Variants in HEMK2 observed in about 807,000 individuals in gnomAD.
The protein encoded by HEMK2 is HemK methyltransferase 2, ETF1 glutamine and histone H4 lysine.
At chr21:28,773,731 G>C in the HEMK2 span, among the ~76,000 whole-genome samples, 1 of 152,126 alleles carries the variant, frequency 6.6e-6, no homozygotes, top group Non-Finnish European at 1.5e-5. Context: ...GAAAATCCCA[G>C]CTGCAATGCT....
chr21:28,665,123 A>AG, the HEMK2 span, among the ~76,000 whole-genome samples: 24 of 145,732 alleles, frequency 1.6e-4, no homozygotes, highest in African/African-American at 4.7e-4. Context: ...ACTAAACATA[A>AG]AAAAAAAAAA....
chr21:28,838,996 T>TAC, the HEMK2 span, among the ~76,000 whole-genome samples: 2 of 60,534 alleles, frequency 3.3e-5, no homozygotes, highest in Non-Finnish European at 5.4e-5. Flanking sequence ...TATATATATA[T>TAC]ATATACATAT....
chr21:28,829,182 G>A, the HEMK2 span, among the ~76,000 whole-genome samples: 1 of 152,152 alleles, frequency 6.6e-6, no homozygotes, highest in Non-Finnish European at 1.5e-5. Context: ...TGCTTCTTTA[G>A]AACAAGTGAA....
chr21:28,856,784 C>T, the HEMK2 span, among the ~76,000 whole-genome samples: 1 of 152,220 alleles, frequency 6.6e-6, no homozygotes, highest in African/African-American at 2.4e-5. Flanking sequence ...ATCTATGCAA[C>T]CTGCGTATCA....
the HEMK2 span, among the ~76,000 whole-genome samples, chr21:28,625,119 C>G: frequency 1.3e-5 from 2 of 152,160 alleles, no homozygotes; most frequent in African/African-American, 4.8e-5. Context: ...GAGGAAAAGT[C>G]ACATTATCAC....
chr21:28,871,970 G>A, the HEMK2 span, among the ~76,000 whole-genome samples: 1 of 152,156 alleles, frequency 6.6e-6, no homozygotes, highest in Non-Finnish European at 1.5e-5. Flanking sequence ...TCCTAATCAA[G>A]TACAACCTTG....
the HEMK2 span, among the ~76,000 whole-genome samples, chr21:28,629,926 CTTT>C: frequency 5.5e-5 from 8 of 146,772 alleles, no homozygotes; most frequent in East Asian, 2.0e-4. Flanking sequence ...TGCTCAGTTT[CTTT>C]TTTTTTTTTT....
At chr21:28,862,568 A>G in the HEMK2 span, among the ~76,000 whole-genome samples, 1 of 147,536 alleles carries the variant, frequency 6.8e-6, no homozygotes, top group Admixed American at 6.7e-5. Flanking sequence ...GAACCCGGGA[A>G]GCGGAGCTTG....
the HEMK2 span, among the ~76,000 whole-genome samples, chr21:28,689,895 T>C: frequency 2.6e-5 from 4 of 152,066 alleles, no homozygotes; most frequent in Non-Finnish European, 5.9e-5. Flanking sequence ...AATGTAGGGG[T>C]GGCCTTAAGA....
At chr21:28,689,578 C>T in the HEMK2 span, among the ~76,000 whole-genome samples, 1 of 152,048 alleles carries the variant, frequency 6.6e-6, no homozygotes, top group Non-Finnish European at 1.5e-5. Flanking sequence ...AGGTATAAGG[C>T]GATCACACCT....
chr21:28,810,462 C>T, the HEMK2 span, among the ~76,000 whole-genome samples: 1 of 152,194 alleles, frequency 6.6e-6, no homozygotes, highest in Non-Finnish European at 1.5e-5. Context: ...CACCCAGCAA[C>T]CATTTGCAAA....
the HEMK2 span, among the ~76,000 whole-genome samples, chr21:28,644,411 G>T: frequency 1.3e-5 from 2 of 151,916 alleles, no homozygotes; most frequent in Non-Finnish European, 2.9e-5. Context: ...TTTTGGGTGG[G>T]GACACAGCAA....
chr21:28,659,673 G>A, the HEMK2 span, among the ~76,000 whole-genome samples: 11 of 152,014 alleles, frequency 7.2e-5, no homozygotes, highest in Non-Finnish European at 1.2e-4. Context: ...AATAGGTAAT[G>A]AGACATCTCA....
the HEMK2 span, among the ~76,000 whole-genome samples, chr21:28,610,870 C>T: frequency 4.6e-5 from 7 of 152,074 alleles, no homozygotes; most frequent in Non-Finnish European, 1.5e-5. Context: ...TATATATGCA[C>T]CTAACACTGG....
chr21:28,790,628 C>T, the HEMK2 span, among the ~76,000 whole-genome samples: 1 of 151,896 alleles, frequency 6.6e-6, no homozygotes, highest in East Asian at 1.9e-4. Context: ...TATCCATAGT[C>T]ACTGAATGAA....
At chr21:28,617,346 C>A in the HEMK2 span, among the ~76,000 whole-genome samples, 2 of 152,258 alleles carry the variant, frequency 1.3e-5, no homozygotes, top group Middle Eastern at 3.4e-3. Flanking sequence ...AAACAAGGAC[C>A]AAATAATGAA....
the HEMK2 span, among the ~76,000 whole-genome samples, chr21:28,830,427 T>G: frequency 6.6e-6 from 1 of 152,202 alleles, no homozygotes; most frequent in East Asian, 1.9e-4. Flanking sequence ...GACGGTAAGT[T>G]TCCTGAGACC....
the HEMK2 span, among the ~76,000 whole-genome samples, chr21:28,696,114 C>T: frequency 6.6e-6 from 1 of 152,104 alleles, no homozygotes; most frequent in African/African-American, 2.4e-5. Context: ...GGGGTTTCCC[C>T]TTATAAAACC....
At chr21:28,831,446 A>AAAAGAAAGAAAGAAAGAAAG in the HEMK2 span, among the ~76,000 whole-genome samples, 13 of 86,414 alleles carry the variant, frequency 1.5e-4, no homozygotes, top group East Asian at 1.8e-3. Context: ...CTCTATCTCA[A>AAAAGAAAGAAAGAAAGAAAG]AAAGAAAGAA....
Sources: allele counts gnomAD v4.1 joint callset (sites outside exome capture counted in the v4.1 genomes callset), GRCh38; gene constraint gnomAD v4.1.1; transcripts MANE v1.5; gene names NCBI Gene and HGNC (gene_info 2026-07-23, HGNC 2026-07-21).